DLG2: variants seen among roughly 807,000 people sequenced by gnomAD.
DLG2 encodes the protein disks large homolog 2.
A neutral mutation model predicts 132.5 loss-of-function variants in DLG2; 45 were observed. The ratio of observed to expected loss-of-function variants is 0.34; its 90% CI spans 0.27 to 0.44. The LOEUF is 0.44. DLG2 is among the 20% of genes least tolerant of loss of function. The pLI, the probability that DLG2 is intolerant of heterozygous loss-of-function variation, is 1.00. For synonymous variants in DLG2, 424 were observed against 419.6 expected, an observed-to-expected ratio of 1.01 and a Z score of -0.13; for missense variants, 1,045 against 1,196.9, an observed-to-expected ratio of 0.87 and a Z score of 1.87.
chr11:85,573,952 CAGTT>C, intron 3 of DLG2, among the ~76,000 whole-genome samples: 1 of 152,146 alleles, frequency 6.6e-6, no homozygotes, highest in Non-Finnish European at 1.5e-5. Context: ...GAGCTCAAGT[CAGTT>C]AGACTAAATT....
At position 85,309,768 on chromosome 11, in the gene DLG2, T is replaced by G. The variant is rs371600502; in HGVS notation, c.41-24403A>C. Among the ~76,000 whole-genome samples the G allele has an allele frequency of 7.8e-4, 119 of 152,244 alleles. 1 individual carries two copies. The highest frequency in any genetic ancestry group is 1.4e-3 in the Non-Finnish European group (94 of 68,004). On this transcript the variant is annotated intron_variant, in intron 3 of 27. Coordinates refer to ENST00000376104, the MANE Select transcript of DLG2 (RefSeq NM_001142699.3). ...TCTCCACCTGAAAATTTCTTCTACT[T>G]TTTATCCCTTAACTCACCTCTAGTA...
intron 11 of DLG2, among the ~76,000 whole-genome samples, chr11:84,041,027 G>C (rs2154105927): frequency 6.6e-6 from 1 of 151,616 alleles, no homozygotes; most frequent in South Asian, 2.1e-4. Context: ...CTGTTTGTCT[G>C]TTGTTGGTGT....
chr11:83,553,927 G>T (rs79357508), intron 19 of DLG2, among the ~76,000 whole-genome samples: 3 of 138,416 alleles, frequency 2.2e-5, no homozygotes, highest in Non-Finnish European at 4.6e-5. Flanking sequence ...GGATAGTCTC[G>T]CTCAGTCACC....
chr11:84,570,520 C>T (rs1026231284), intron 6 of DLG2, among the ~76,000 whole-genome samples: 1 of 152,126 alleles, frequency 6.6e-6, no homozygotes, highest in Non-Finnish European at 1.5e-5. Flanking sequence ...CAATGCCTGG[C>T]ACATAGTAGG....
At chr11:84,524,850 CT>C (rs574933795) in intron 7 of DLG2, among the ~76,000 whole-genome samples, 5,312 of 120,524 alleles carry the variant, frequency 0.044, 153 homozygotes, top group East Asian at 0.22. Flanking sequence ...TAGGGTATTT[CT>C]TTTTTTTTTT....
intron 6 of DLG2, among the ~76,000 whole-genome samples, chr11:84,669,793 C>T (rs1324588302): frequency 6.6e-6 from 1 of 152,126 alleles, no homozygotes; most frequent in Non-Finnish European, 1.5e-5. Flanking sequence ...GCTTGGACTC[C>T]TAAGTACCTC....
chr11:84,566,561 T>A (rs911151770), intron 6 of DLG2, among the ~76,000 whole-genome samples: 1 of 152,166 alleles, frequency 6.6e-6, no homozygotes, highest in African/African-American at 2.4e-5. Context: ...GTTGAATATA[T>A]AGAAGATTTA....
intron 6 of DLG2, among the ~76,000 whole-genome samples, chr11:84,675,380 G>A (rs1313426327): frequency 2.0e-5 from 3 of 151,998 alleles, no homozygotes; most frequent in Non-Finnish European, 4.4e-5. Context: ...AGGGAATAAT[G>A]TCAGAGGCTC....
chr11:85,540,663 G>C (rs562994903), intron 3 of DLG2, among the ~76,000 whole-genome samples: 1 of 152,202 alleles, frequency 6.6e-6, no homozygotes, highest in African/African-American at 2.4e-5. Flanking sequence ...CTAATTGGGC[G>C]GATTAACACA....
At chr11:83,477,471 T>C (rs1260493208) in intron 22 of DLG2, among the ~76,000 whole-genome samples, 2 of 152,158 alleles carry the variant, frequency 1.3e-5, no homozygotes, top group East Asian at 3.9e-4. Flanking sequence ...TTATTAGAAA[T>C]TGATGTTTGT....
At chr11:85,054,602 T>C (rs1376237488) in intron 6 of DLG2, among the ~76,000 whole-genome samples, 1 of 152,162 alleles carries the variant, frequency 6.6e-6, no homozygotes, top group Non-Finnish European at 1.5e-5. Flanking sequence ...ACAGCAGGTG[T>C]GAAATCAACC....
At chr11:83,603,513 A>G (rs1337800478) in intron 19 of DLG2, among the ~76,000 whole-genome samples, 2 of 152,198 alleles carry the variant, frequency 1.3e-5, no homozygotes, top group African/African-American at 2.4e-5. Context: ...TCCCTAAGGT[A>G]CATGCTTAAA....
chr11:83,844,912 A>T (rs2058329950), intron 16 of DLG2, among the ~76,000 whole-genome samples: 1 of 152,216 alleles, frequency 6.6e-6, no homozygotes, highest in Non-Finnish European at 1.5e-5. Flanking sequence ...CATTAAAAAT[A>T]TAATTTATCC....
intron 6 of DLG2, among the ~76,000 whole-genome samples, chr11:84,906,762 G>A (rs2091564451): frequency 6.6e-6 from 1 of 152,096 alleles, no homozygotes; most frequent in African/African-American, 2.4e-5. Context: ...ACTAGGGCTA[G>A]GATTTATCCA....
intron 6 of DLG2, among the ~76,000 whole-genome samples, chr11:85,043,167 T>C (rs1451828625): frequency 1.3e-5 from 2 of 151,862 alleles, no homozygotes; most frequent in African/African-American, 4.8e-5. Flanking sequence ...ATCACAATTA[T>C]AGGACCTTAC....
intron 7 of DLG2, among the ~76,000 whole-genome samples, chr11:84,468,432 C>G (rs2099100250): frequency 6.6e-6 from 1 of 151,424 alleles, no homozygotes; most frequent in Non-Finnish European, 1.5e-5. Context: ...CAGTAATCCT[C>G]CCTGTGCATG....
intron 20 of DLG2, among the ~76,000 whole-genome samples, chr11:83,536,565 G>T (rs1465361663): frequency 2.5e-4 from 35 of 142,320 alleles, no homozygotes; most frequent in Non-Finnish European, 4.0e-4. Flanking sequence ...ATAACGTGGT[G>T]TTTTTTTTTT....
intron 6 of DLG2, among the ~76,000 whole-genome samples, chr11:84,935,424 A>C (rs908861143): frequency 6.6e-6 from 1 of 152,186 alleles, no homozygotes; most frequent in Non-Finnish European, 1.5e-5. Context: ...GCATGGTATA[A>C]ACCCAGCCTG....
At chr11:85,503,027 G>A (rs1056551578) in intron 3 of DLG2, among the ~76,000 whole-genome samples, 8 of 151,940 alleles carry the variant, frequency 5.3e-5, no homozygotes, top group African/African-American at 1.7e-4. Context: ...CTACAATATA[G>A]AAGAAACTCA....
Sources: gnomAD v4.1 joint callset for allele counts (sites outside exome capture counted in the v4.1 genomes callset) on GRCh38, gnomAD v4.1.1 for gene constraint, MANE v1.5 for transcripts, NCBI Gene and HGNC (gene_info 2026-07-23, HGNC 2026-07-21) for gene names.